The following SPINK6 variants were observed in gnomAD, a reference collection of about 807,000 sequenced individuals.
The protein encoded by SPINK6 is serine peptidase inhibitor Kazal type 6.
Under a neutral mutation model 11.7 loss-of-function variants are expected in SPINK6, and 13 were observed. The ratio of observed to expected loss-of-function variants is 1.11; its 90% CI spans 0.72 to 1.76. The LOEUF is 1.76. Ranked by LOEUF, SPINK6 falls within the 40% of genes most tolerant of loss-of-function variation. The pLI, the probability that SPINK6 is intolerant of heterozygous loss-of-function variation, is 0.00. For synonymous variants in SPINK6, 21 were observed against 31.9 expected, an observed-to-expected ratio of 0.66 and a Z score of 1.15; for missense variants, 98 against 93.7, an observed-to-expected ratio of 1.05 and a Z score of -0.19.
chr5:148,208,278 T>C (rs1177213426), intron 2 of SPINK6, among the ~76,000 whole-genome samples: 1 of 152,160 alleles, frequency 6.6e-6, no homozygotes, highest in African/African-American at 2.4e-5. Flanking sequence ...TCTTCTCCAC[T>C]CAAATATAAA....
chr5:148,202,981 A>G (rs1755452233), upstream of SPINK6: 1 of 680,046 alleles, frequency 1.5e-6, no homozygotes, highest in African/African-American at 1.8e-5. Context: ...CATTAAATGC[A>G]TAAACTGCAT....
At chr5:148,211,504 A>G (rs1347926245) in intron 2 of SPINK6, among the ~76,000 whole-genome samples, 1 of 152,166 alleles carries the variant, frequency 6.6e-6, no homozygotes, top group Non-Finnish European at 1.5e-5. Context: ...TTAGTTCTCT[A>G]CAACTTTTAT....
chr5:148,214,907 A>G lies in SPINK6; in HGVS notation c.200A>G (p.Lys67Arg), dbSNP rs112272844. 25 of 1,613,454 alleles carry G rather than the reference A, an allele frequency of 1.5e-5. No individual in the cohort carries two copies. The African/African-American group carries it at 2.0e-4, about 13-fold the overall frequency. ...NKCAFCKAIVKSGGKISLKHP... is the reference protein window; with the variant it reads ...NKCAFCKAIVRSGGKISLKHP... Reference sequence around the variant, plus strand: ...ATATTTGTCTTTCTTTTTTGTAGGAAAAGTGGTGGAAAGATTAGCCTAAAG... The same window carrying G: ...ATATTTGTCTTTCTTTTTTGTAGGAGAAGTGGTGGAAAGATTAGCCTAAAG... Residue 67 changes from lysine (K) to arginine (R), a missense_variant and splice_region_variant, in exon 4 of 4, where the codon AAA becomes AGA. Physicochemically the swap from Lys to Arg is conservative, Grantham distance 26. Coordinates refer to ENST00000325630, the MANE Select transcript of SPINK6 (RefSeq NM_205841.4).
chr5:148,203,076 C>G lies in SPINK6; in HGVS notation c.-21C>G, dbSNP rs1335485707. On this transcript the variant is annotated 5_prime_UTR_variant, in exon 1 of 4. It adds an upstream start codon to the 5' untranslated region. Transcript: ENST00000325630. ...CTCAGCTGGACAAAGCAGCCTTGAT[C>G]TGAGTGAGCTAACTGACACAATGAA... 2 of 1,600,220 alleles carry G rather than the reference C, an allele frequency of 1.2e-6. No individual in the cohort carries two copies. Among genetic ancestry groups the G allele is most frequent in the African/African-American group, 2.7e-5 (2 of 73,906 alleles).
At chr5:148,210,214 ATGCATATGTATTTCTGCATGCATACG>A (rs1755570424) in intron 2 of SPINK6, among the ~76,000 whole-genome samples, 1 of 134,086 alleles carries the variant, frequency 7.5e-6, no homozygotes. Flanking sequence ...GTATTTCTGC[ATGCATATGTATTTCTGCATGCATACG>A]TATGTATTTC....
In SPINK6 at chr5:148,210,007, C is replaced by CATACACACGTACGTACGT. The variant is rs1554112271; in HGVS notation, c.82-3901_82-3900insACACACGTACGTACGTAT. The stretch of plus-strand genomic sequence containing the variant: ...ATGTATACATATACACGTATGTATA[C>CATACACACGTACGTACGT]ATGTATGTACGCATGTACGCATGCA... On this transcript the variant is annotated intron_variant, in intron 2 of 3. Transcript: ENST00000325630. 1.7e-3 allele frequency among the ~76,000 whole-genome samples: 180 copies of CATACACACGTACGTACGT among 105,722 alleles called. 28 individuals are homozygous for CATACACACGTACGTACGT. Among genetic ancestry groups the CATACACACGTACGTACGT allele is most frequent in the South Asian group, 3.0e-3 (10 of 3,328 alleles). 69.4% of individuals were successfully genotyped at this position (105,722 alleles called of 152,430 possible). A position where few individuals can be genotyped will look rare whatever the true frequency, so the allele number is the denominator to read the frequency against.
intron 3 of SPINK6, among the ~76,000 whole-genome samples, chr5:148,214,690 T>C (rs574617373): frequency 2.6e-5 from 4 of 152,350 alleles, no homozygotes; most frequent in Non-Finnish European, 4.4e-5. Flanking sequence ...CTAAGACTTA[T>C]GATAACTCTG....
At position 148,210,007 on chromosome 5, in the gene SPINK6, C is replaced by CATACACACGTTCGTATGT. The variant is rs1554112271; in HGVS notation, c.82-3901_82-3900insACACACGTTCGTATGTAT. Among the ~76,000 whole-genome samples, 2 of 105,728 alleles carry CATACACACGTTCGTATGT rather than the reference C, an allele frequency of 1.9e-5. 1 individual carries two copies. Among genetic ancestry groups the CATACACACGTTCGTATGT allele is most frequent in the Non-Finnish European group, 3.7e-5 (2 of 54,618 alleles). 69.4% of individuals were successfully genotyped at this position (105,728 alleles called of 152,430 possible). ...ATGTATACATATACACGTATGTATACATGTATGTACGCATGTACGCATGCA... is the reference window on the plus strand; with the variant it reads ...ATGTATACATATACACGTATGTATACATACACACGTTCGTATGTATGTATGTACGCATGTACGCATGCA... On this transcript the variant is annotated intron_variant, in intron 2 of 3. Coordinates refer to ENST00000325630, the MANE Select transcript of SPINK6 (RefSeq NM_205841.4).
chr5:148,211,362 A>G (rs994389873), intron 2 of SPINK6, among the ~76,000 whole-genome samples: 1 of 152,210 alleles, frequency 6.6e-6, no homozygotes, highest in Non-Finnish European at 1.5e-5. Context: ...GTCCCAGGAT[A>G]CCATTTAATC....
intron 1 of SPINK6, among the ~76,000 whole-genome samples, chr5:148,203,480 C>T (rs1755461018): frequency 6.6e-6 from 1 of 152,134 alleles, no homozygotes; most frequent in South Asian, 2.1e-4. Flanking sequence ...CAGCAAAAGA[C>T]TTGCAACTAG....
At chr5:148,214,850 A>G in intron 3 of SPINK6, 55 bp from the exon 4 acceptor site, 1 of 1,374,486 alleles carries the variant, frequency 7.3e-7, no homozygotes, top group East Asian at 2.3e-5. Flanking sequence ...TAGAACTTCT[A>G]TGGTGAGTAC....
chr5:148,203,178 A>T (rs760567464), intron 1 of SPINK6, 24 bp downstream of exon 1: 3 of 1,582,066 alleles, frequency 1.9e-6, no homozygotes, highest in South Asian at 1.1e-5. Flanking sequence ...TAAAATTAAG[A>T]TCCCATATTT....
chr5:148,210,007 C>CGT lies in SPINK6; in HGVS notation c.82-3903_82-3902insGT, dbSNP rs1408259548. Among the ~76,000 whole-genome samples, 25 of 105,724 alleles carry CGT rather than the reference C, an allele frequency of 2.4e-4. 4 individuals carry two copies. Among genetic ancestry groups the CGT allele is most frequent in the Non-Finnish European group, 3.7e-4 (20 of 54,618 alleles). The allele number at this position is 105,724 out of a possible 152,430, so 69.4% of individuals were successfully genotyped here. A position where few individuals can be genotyped will look rare whatever the true frequency, so the allele number is the denominator to read the frequency against. ...ATGTATACATATACACGTATGTATA[C>CGT]ATGTATGTACGCATGTACGCATGCA... On this transcript the variant is annotated intron_variant, in intron 2 of 3. Coordinates refer to ENST00000325630, the MANE Select transcript of SPINK6 (RefSeq NM_205841.4).
chr5:148,205,912 A>T (rs1755491434), intron 1 of SPINK6, 124 bp from the exon 2 acceptor site: 2 of 1,032,092 alleles, frequency 1.9e-6, no homozygotes. Context: ...AAACAAAAAA[A>T]ATACGATGAC....
intron 2 of SPINK6, among the ~76,000 whole-genome samples, chr5:148,208,264 T>C (rs1441943431): frequency 6.6e-6 from 1 of 152,220 alleles, no homozygotes. Flanking sequence ...CCAAGGCTGC[T>C]GTCTCTTCTC....
rs1295348752 is a variant in SPINK6 at position 148,213,962 on chromosome 5, A to G, written c.134A>G (p.Asn45Ser). The G allele has an allele frequency of 6.2e-7, 1 of 1,613,848 alleles. No individual in the cohort carries two copies. Residue 45 changes from asparagine (N) to serine (S), a missense_variant, in exon 3 of 4, where the codon AAC (asparagine) becomes AGC (serine). Coordinates refer to ENST00000325630, the MANE Select transcript of SPINK6 (RefSeq NM_205841.4). ...DPKVYCTRES[N>S]PHCGSDGQTY... ...AAGGTCTACTGCACTCGGGAATCTA[A>G]CCCACACTGTGGCTCTGATGGCCAG...
At chr5:148,205,664 G>A (rs1254676142) in intron 1 of SPINK6, among the ~76,000 whole-genome samples, 2 of 152,156 alleles carry the variant, frequency 1.3e-5, no homozygotes, top group Non-Finnish European at 2.9e-5. Context: ...CAAAGGTAGA[G>A]GATACTTTCC....
intron 2 of SPINK6, among the ~76,000 whole-genome samples, chr5:148,207,153 T>C (rs1373215729): frequency 6.6e-6 from 1 of 152,016 alleles, no homozygotes; most frequent in Non-Finnish European, 1.5e-5. Context: ...TAAATAAGCA[T>C]GATAGTATGG....
chr5:148,203,222 C>T, intron 1 of SPINK6, 68 bp downstream of exon 1: 2 of 1,156,496 alleles, frequency 1.7e-6, no homozygotes, highest in Non-Finnish European at 2.5e-6. Context: ...AGTTGTTTAT[C>T]ATATTTTAAA....
Sources: gnomAD v4.1 joint callset for allele counts (sites outside exome capture counted in the v4.1 genomes callset) on GRCh38, gnomAD v4.1.1 for gene constraint, MANE v1.5 for transcripts, NCBI Gene and HGNC (gene_info 2026-07-23, HGNC 2026-07-21) for gene names.